The following APOB variants were observed in gnomAD, a reference collection of about 807,000 sequenced individuals.
APOB encodes apolipoprotein B.
A neutral mutation model predicts 314.1 loss-of-function variants in APOB; 153 were observed. The ratio of observed to expected loss-of-function variants is 0.49; its 90% CI spans 0.43 to 0.56. APOB has a LOEUF of 0.56. Ranked by LOEUF, APOB falls within the 20% of genes least tolerant of loss-of-function variation. APOB has a pLI of 0.00. For synonymous variants in APOB, 2,087 were observed against 2,036.4 expected (o/e 1.02, Z -0.67); for missense variants, 5,430 against 5,350.7 (o/e 1.01, Z -0.46).
At chr2:21,012,815 T>C (rs947603975) in intron 25 of APOB, among the ~76,000 whole-genome samples, 164 bp from the exon 26 acceptor site, 2 of 152,234 alleles carry the variant, frequency 1.3e-5, no homozygotes, top group African/African-American at 2.4e-5. Flanking sequence ...CAAAAGGCAT[T>C]CCTCCAGGAA....
rs1037633271 is a variant in APOB at position 21,027,853 on chromosome 2, C to A, written c.2042G>T (p.Gly681Val). The A allele has an allele frequency of 6.2e-7, 1 of 1,613,982 alleles. No homozygotes were observed. Among genetic ancestry groups the A allele is most frequent in the Non-Finnish European group, 8.5e-7 (1 of 1,179,872 alleles). Residue 681 changes from glycine to valine, a missense_variant, in exon 14 of 29, where the codon GGA (glycine) becomes GTA (valine). By Grantham distance (109) the Gly-to-Val change is moderately radical. Coordinates refer to ENST00000233242, the MANE Select transcript of APOB (RefSeq NM_000384.3). ...CTCGATGAGGTCAGCTGAAGCAAATCCAAAGGCAGTGAGGGTAGTTTTCAG... is the reference window on the plus strand; with the variant it reads ...CTCGATGAGGTCAGCTGAAGCAAATACAAAGGCAGTGAGGGTAGTTTTCAG... ...SMLKTTLTAFGFASADLIEIG... is the reference protein window; with the variant it reads ...SMLKTTLTAFVFASADLIEIG...
chr2:21,013,833 A>G (rs778977409), intron 24 of APOB, among the ~76,000 whole-genome samples: 1 of 152,222 alleles, frequency 6.6e-6, no homozygotes, highest in Non-Finnish European at 1.5e-5. Context: ...AGAGCATGTC[A>G]TAATTTTGCT....
In APOB at chr2:21,010,308, T is replaced by A. The variant is rs1663271089; in HGVS notation, c.6560A>T (p.Asp2187Val). 6.5e-7 allele frequency: 1 copy of A among 1,549,066 alleles called. No individual in the cohort carries two copies. Among genetic ancestry groups the A allele is most frequent in the Non-Finnish European group, 8.7e-7 (1 of 1,149,910 alleles). Residue 2187 changes from aspartate (D) to valine (V), a missense_variant, in exon 26 of 29, where the codon GAT becomes GTT. Physicochemically the swap from Asp to Val is radical, Grantham distance 152 (BLOSUM62 -3). Around this residue, in one of 3 missense-constraint regions of APOB, gnomAD observed 3,281 missense variants for 3,171.0 expected, o/e 1.03. Coordinates refer to ENST00000233242, the MANE Select transcript of APOB (RefSeq NM_000384.3). Reference protein sequence around the residue: ...YMIQFDQYIKDSYDLHDLKIA... With the variant: ...YMIQFDQYIKVSYDLHDLKIA... ...TTTCAAATCATGTAAATCATAACTA[T>A]CTTTAATATACTGATCAAATTGTAT...
chr2:21,010,028 G>T lies in APOB; in HGVS notation c.6840C>A (p.His2280Gln), dbSNP rs780306555. ...KRHIQNIDIQ[H>Q]LAGKLKQHIE... ...TGTGTTGTTTTAACTTTCCAGCTAG[G>T]TGCTGGATGTCTATATTCTGTATGT... Residue 2280 changes from histidine to glutamine, a missense_variant, in exon 26 of 29, where the codon CAC becomes CAA. Physicochemically the swap from His to Gln is conservative, Grantham distance 24. Around this residue, in one of 3 missense-constraint regions of APOB, gnomAD observed 3,281 missense variants for 3,171.0 expected, o/e 1.03. Coordinates refer to ENST00000233242, the MANE Select transcript of APOB (RefSeq NM_000384.3). The T allele has an allele frequency of 1.5e-5, 25 of 1,613,460 alleles. No individual in the cohort carries two copies. In the South Asian group the frequency reaches 2.6e-4, roughly 17 times the overall value.
Position 21,002,159 on chromosome 2 carries a change from G to C in APOB, c.13263C>G (p.Phe4421Leu). 6.2e-7 allele frequency: 1 copy of C among 1,613,962 alleles called. No individual in the cohort carries two copies. Residue 4421 changes from phenylalanine (F) to leucine (L), a missense_variant, in exon 29 of 29, where the codon TTC (phenylalanine) becomes TTG (leucine). This residue lies in a region of APOB where 3,281 missense variants were observed against 3,171.0 expected (regional missense o/e 1.03). Transcript: ENST00000233242. ...AGGCACTGACAATATATTCAGAATG[G>C]AAGTCCTTAAGAGCAACTAACAGGT... ...IKNLLVALKD[F>L]HSEYIVSASN...
chr2:21,037,844 A>G (rs1203463668), intron 5 of APOB, 114 bp downstream of exon 5: 1 of 1,347,442 alleles, frequency 7.4e-7, no homozygotes, highest in East Asian at 2.3e-5. Flanking sequence ...AGGGCTTCCT[A>G]TGTAACTAGT....
chr2:21,002,892 C>T lies in APOB; in HGVS notation c.12530G>A (p.Arg4177Gln), dbSNP rs1458728752. ...TTTCATATGGAATTCTTGAGTAACT[C>T]GTACCAAGCCATCAAACACGTTATC... ...LKDNVFDGLV[R>Q]VTQEFHMKVK... Residue 4177 changes from arginine to glutamine, a missense_variant, in exon 29 of 29, where the codon CGA (arginine) becomes CAA (glutamine). Physicochemically the swap from Arg to Gln is conservative, Grantham distance 43. Coordinates refer to ENST00000233242, the MANE Select transcript of APOB (RefSeq NM_000384.3). 15 of 1,613,552 alleles carry T rather than the reference C, an allele frequency of 9.3e-6. No homozygotes were observed. The Admixed American group carries it at 1.0e-4, about 11-fold the overall frequency.
At position 21,003,035 on chromosome 2, in the gene APOB, C is replaced by G; in HGVS notation, c.12387G>C (p.Arg4129Ser). The change falls in exon 29 of 29, where the codon AGG (arginine) becomes AGC (serine). Residue 4129 changes from arginine to serine, a missense_variant. Arg to Ser is a moderately radical substitution (Grantham distance 110, BLOSUM62 -1). Coordinates refer to ENST00000233242, the MANE Select transcript of APOB (RefSeq NM_000384.3). The part of the protein sequence containing the change: ...AIRQIDDIDV[R>S]FQKAASGTTG... Reference sequence around the variant, plus strand: ...TGGTGCCACTGGCTGCTTTCTGGAACCTCACGTCGATATCATCAATTTGCC... The same window carrying G: ...TGGTGCCACTGGCTGCTTTCTGGAAGCTCACGTCGATATCATCAATTTGCC... 1 of 1,567,178 alleles carries G rather than the reference C, an allele frequency of 6.4e-7. No individual in the cohort carries two copies. The highest frequency in any genetic ancestry group is 1.2e-5 in the South Asian group (1 of 82,454).
At chr2:21,043,702 C>G in intron 1 of APOB, 151 bp from the exon 2 acceptor site, 2 of 1,504,084 alleles carry the variant, frequency 1.3e-6, no homozygotes, top group Admixed American at 2.0e-5. Flanking sequence ...CCCGCGCCCC[C>G]CATCCTGAGC....
In APOB at chr2:21,006,733, AC is replaced by A; in HGVS notation, c.10134del (p.Gln3378HisfsTer4). ...SSSSSVIDAL[Q>X]YKLEGTTRLT... The stretch of plus-strand genomic sequence containing the variant: ...AATCTTGTGGTGCCCTCTAATTTGT[AC>A]TGCAGTGCATCAATGACAGATGAAG... On this transcript the variant is annotated frameshift_variant, in exon 26 of 29. Coordinates refer to ENST00000233242, the MANE Select transcript of APOB (RefSeq NM_000384.3). LOFTEE classifies it high-confidence loss of function. 1.2e-6 allele frequency: 2 copies of A among 1,614,052 alleles called. No homozygotes were observed. Among genetic ancestry groups the A allele is most frequent in the Non-Finnish European group, 1.7e-6 (2 of 1,179,968 alleles).
intron 9 of APOB, among the ~76,000 whole-genome samples, chr2:21,032,842 A>G (rs1572798838): frequency 1.3e-5 from 2 of 152,322 alleles, no homozygotes; most frequent in East Asian, 1.9e-4. Flanking sequence ...TCCTTTGGCC[A>G]GCACACAGAA....
Position 21,022,872 on chromosome 2 carries a change from G to A in APOB, c.2775C>T (p.Ile925=). The A allele has an allele frequency of 6.2e-7, 1 of 1,614,166 alleles. No individual in the cohort carries two copies. The highest frequency in any genetic ancestry group is 1.3e-5 in the African/African-American group (1 of 75,046). ...VALKAGKLKF[I]IPSPKRPVKL... ...TGACTGGTCTCTTTGGGGAAGGAAT[G>A]ATAAACTTCAGCTTCCCAGCTTTTA... The change falls in exon 18 of 29, where the codon ATC becomes ATT. Residue 925 remains isoleucine (I), a synonymous_variant. Coordinates refer to ENST00000233242, the MANE Select transcript of APOB (RefSeq NM_000384.3).
rs769425660 is a variant in APOB, at chr2:21,032,375, G to A, written c.1331C>T (p.Ala444Val). The A allele has an allele frequency of 9.3e-6, 15 of 1,613,486 alleles. No homozygotes were observed. Among genetic ancestry groups the A allele is most frequent in the South Asian group, 3.3e-5 (3 of 91,076 alleles). Residue 444 changes from alanine (A) to valine (V), a missense_variant, in exon 10 of 29, where the codon GCG (alanine) becomes GTG (valine). By Grantham distance (64) the Ala-to-Val change is moderately conservative. This residue lies in a region of APOB where 2,085 missense variants were observed against 2,079.7 expected (regional missense o/e 1.00). Transcript: ENST00000233242. ...RDQRSRATLYALSHAVNNYHK... is the reference protein window; with the variant it reads ...RDQRSRATLYVLSHAVNNYHK... ...TCACTTGTTGACCGCGTGGCTCAGCGCATACAAGGTGGCTCGGCTGCGCTG... is the reference window on the plus strand; with the variant it reads ...TCACTTGTTGACCGCGTGGCTCAGCACATACAAGGTGGCTCGGCTGCGCTG...
At position 21,001,904 on chromosome 2, in the gene APOB, G is replaced by C; in HGVS notation, c.13518C>G (p.Leu4506=). 6.2e-7 allele frequency: 1 copy of C among 1,614,012 alleles called. No individual in the cohort carries two copies. Among genetic ancestry groups the C allele is most frequent in the Non-Finnish European group, 8.5e-7 (1 of 1,179,948 alleles). The part of the protein sequence containing the change: ...RYKLQDFSDQ[L]SDYYEKFIAE... ...CAATAAATTTTTCATAGTAATCAGA[G>C]AGTTGGTCTGAAAAATCTTGCAGTT... is the stretch of plus-strand genomic sequence containing the variant. The change falls in exon 29 of 29, where the codon CTC becomes CTG. Residue 4506 remains leucine, a synonymous_variant. Transcript: ENST00000233242.
Position 21,022,821 on chromosome 2 carries a change from A to G in APOB, c.2816+10T>C, listed in dbSNP as rs1572792778. ...CAAACTGGCTAGGCAGACTTGGCTGAAAGAATTACCCTCCACTGAGCAGCT... is the reference window on the plus strand; with the variant it reads ...CAAACTGGCTAGGCAGACTTGGCTGGAAGAATTACCCTCCACTGAGCAGCT... On this transcript the variant is annotated intron_variant, in intron 18 of 28. Transcript: ENST00000233242. The G allele has an allele frequency of 6.2e-7, 1 of 1,613,808 alleles. No homozygotes were observed. The highest frequency in any genetic ancestry group is 8.5e-7 in the Non-Finnish European group (1 of 1,179,786).
rs1427667950 is a variant in APOB, at chr2:21,012,656, C to T, written c.4217-5G>A. ...CATATGTTGTTTCTCCAGATCCTAA[C>T]ATAAAAATGAAAAGACATTGGTTAA... is the stretch of plus-strand genomic sequence containing the variant. On this transcript the variant is annotated splice_polypyrimidine_tract_variant and splice_region_variant and intron_variant, in intron 25 of 28. Coordinates refer to ENST00000233242, the MANE Select transcript of APOB (RefSeq NM_000384.3). 5 of 1,609,892 alleles carry T rather than the reference C, an allele frequency of 3.1e-6. No individual in the cohort carries two copies. Among genetic ancestry groups the T allele is most frequent in the East Asian group, 4.5e-5 (2 of 44,884 alleles).
chr2:21,016,532 T>G lies in APOB; in HGVS notation c.3239A>C (p.Asn1080Thr). 1.2e-6 allele frequency: 2 copies of G among 1,604,800 alleles called. No homozygotes were observed. Among genetic ancestry groups the G allele is most frequent in the Middle Eastern group, 3.3e-4 (2 of 6,046 alleles). ...CGTTTTGCCCTCAGTAGATTCATCA[T>G]TAACTCTGAGGATTGTTCCGAGGTC... ...DVDLGTILRV[N>T]DESTEGKTSY... is the part of the protein sequence containing the mutation. The change falls in exon 21 of 29, where the codon AAT (asparagine) becomes ACT (threonine). Residue 1080 changes from asparagine (N) to threonine (T), a missense_variant. Transcript: ENST00000233242.
chr2:21,039,255 C>T (rs148185905), intron 4 of APOB, among the ~76,000 whole-genome samples: 8 of 152,368 alleles, frequency 5.3e-5, no homozygotes, highest in African/African-American at 1.9e-4. Context: ...GGTGCTATCA[C>T]TGTTTTCCAG....
intron 8 of APOB, among the ~76,000 whole-genome samples, chr2:21,034,315 C>G (rs181350888): frequency 7.2e-5 from 11 of 152,342 alleles, no homozygotes; most frequent in Admixed American, 6.5e-4. Flanking sequence ...TACCACCTGA[C>G]ATCACAGGTT....
Sources: gnomAD v4.1 joint callset for allele counts (sites outside exome capture counted in the v4.1 genomes callset) on GRCh38, gnomAD v4.1.1 for gene constraint, gnomAD v4.1.1 regional missense constraint, MANE v1.5 for transcripts, NCBI Gene and HGNC (gene_info 2026-07-23, HGNC 2026-07-21) for gene names.